NELL2: variants seen among roughly 807,000 people sequenced by gnomAD.
NELL2 encodes protein kinase C-binding protein NELL2.
NELL2 carries 41 observed loss-of-function variants against 109.6 expected under a neutral mutation model. The ratio of observed to expected loss-of-function variants is 0.37; its 90% CI spans 0.29 to 0.49. The LOEUF is 0.49. Ranked by LOEUF, NELL2 falls within the 20% of genes least tolerant of loss-of-function variation. The pLI is 0.98. For missense variants in NELL2, 900 were observed against 1,008.3 expected (o/e 0.89, Z 1.45); for synonymous variants, 355 against 344.7 (o/e 1.03, Z -0.33).
At chr12:44,840,934 G>A (rs565971218) in intron 2 of NELL2, among the ~76,000 whole-genome samples, 30 of 152,196 alleles carry the variant, frequency 2.0e-4, no homozygotes, top group African/African-American at 7.0e-4. Context: ...AATTTGAGGC[G>A]ATAACAAGTA....
At position 44,622,064 on chromosome 12, in the gene NELL2, C is replaced by T. The variant is rs548159904; in HGVS notation, c.1445-11094G>A. Among the ~76,000 whole-genome samples, 8 of 152,218 alleles carry T rather than the reference C, an allele frequency of 5.3e-5. No individual in the cohort carries two copies. In the South Asian group the frequency reaches 6.2e-4, roughly 12 times the overall value. ...TTGAACCCTCACATCTTGCCGTTAA[C>T]GCCTGCCACGTTTTAGGCACTTGAT... On this transcript the variant is annotated intron_variant, in intron 13 of 19. Transcript: ENST00000429094.
intron 9 of NELL2, among the ~76,000 whole-genome samples, chr12:44,724,207 T>C (rs1459195519): frequency 6.6e-6 from 1 of 150,396 alleles, no homozygotes; most frequent in African/African-American, 2.5e-5. Context: ...CATATGGATG[T>C]TAAATTAAGA....
At chr12:44,674,558 T>C (rs1948245719) in intron 12 of NELL2, among the ~76,000 whole-genome samples, 1 of 152,096 alleles carries the variant, frequency 6.6e-6, no homozygotes, top group South Asian at 2.1e-4. Context: ...TGCAGGAAAA[T>C]AATGGAAATA....
In NELL2 at chr12:44,523,331, C is replaced by A; in HGVS notation, c.1958G>T (p.Trp653Leu). The part of the protein sequence containing the change: ...DGKVKHNGQI[W>L]VLENDRCSVC... ...AGAGCACCTGTCATTTTCCAACACCCAAATCTGACCATTGTGCTTAACTTT... is the reference window on the plus strand; with the variant it reads ...AGAGCACCTGTCATTTTCCAACACCAAAATCTGACCATTGTGCTTAACTTT... The change falls in exon 17 of 20, where the codon TGG (tryptophan) becomes TTG (leucine). Residue 653 changes from tryptophan (W) to leucine (L), a missense_variant. Trp to Leu is a moderately conservative substitution (Grantham distance 61, BLOSUM62 -2). Transcript: ENST00000429094. 1 of 1,614,136 alleles carries A rather than the reference C, an allele frequency of 6.2e-7. No homozygotes were observed. Among genetic ancestry groups the A allele is most frequent in the Non-Finnish European group, 8.5e-7 (1 of 1,179,996 alleles).
chr12:44,876,603 T>A, upstream of NELL2: 1 of 1,549,022 alleles, frequency 6.5e-7, no homozygotes, highest in Non-Finnish European at 8.7e-7. Context: ...GTCTTTGCTC[T>A]CACCCCTCGA....
At position 44,864,746 on chromosome 12, in the gene NELL2, T is replaced by A. The variant is rs140507559; in HGVS notation, c.184+10479A>T. On this transcript the variant is annotated intron_variant, in intron 2 of 19. Coordinates refer to ENST00000429094, the MANE Select transcript of NELL2 (RefSeq NM_001145108.2). The stretch of plus-strand genomic sequence containing the variant: ...TAACAGACATATAAAGAACATTTCA[T>A]CCAACAGCAGCAGCATACTCATTCT... Among the ~76,000 whole-genome samples, 19 of 152,324 alleles carry A rather than the reference T, an allele frequency of 1.2e-4. No individual in the cohort carries two copies. The East Asian group carries it at 3.7e-3, about 29-fold the overall frequency.
At chr12:44,643,132 A>T (rs1485530717) in intron 13 of NELL2, among the ~76,000 whole-genome samples, 1 of 152,210 alleles carries the variant, frequency 6.6e-6, no homozygotes, top group Admixed American at 6.5e-5. Context: ...AAGTATTAAA[A>T]TGTGCACAAT....
intron 2 of NELL2, among the ~76,000 whole-genome samples, chr12:44,824,146 C>T (rs993251976): frequency 1.3e-5 from 2 of 152,152 alleles, no homozygotes; most frequent in African/African-American, 4.8e-5. Context: ...AGACAATGTG[C>T]TAGGTGGACA....
chr12:44,511,850 T>C (rs74911043), intron 19 of NELL2, among the ~76,000 whole-genome samples: 2,879 of 152,278 alleles, frequency 0.019, 95 homozygotes, highest in African/African-American at 0.065. Flanking sequence ...GATTTACATG[T>C]AGTATTAATA....
At chr12:44,531,840 C>T (rs1190570154) in intron 16 of NELL2, among the ~76,000 whole-genome samples, 1 of 152,128 alleles carries the variant, frequency 6.6e-6, no homozygotes, top group African/African-American at 2.4e-5. Flanking sequence ...CATTCCTATG[C>T]CAAGACTTCT....
chr12:44,892,304 A>T (rs1477819342), intron 1 of NELL2, among the ~76,000 whole-genome samples: 1 of 152,182 alleles, frequency 6.6e-6, no homozygotes, highest in East Asian at 1.9e-4. Flanking sequence ...GTTACTGTCC[A>T]ACTGGGCAGG....
upstream of NELL2, among the ~76,000 whole-genome samples, chr12:44,880,162 CAG>C (rs1439461292): frequency 2.0e-5 from 3 of 148,072 alleles, no homozygotes; most frequent in African/African-American, 5.0e-5. Context: ...GAGAGAAAAA[CAG>C]AGAATTAGTA....
chr12:44,917,886 G>A (rs74418008), upstream of NELL2, among the ~76,000 whole-genome samples: 43 of 152,252 alleles, frequency 2.8e-4, no homozygotes, highest in East Asian at 6.2e-3. Context: ...TCCAGACAAC[G>A]GCTTCAAAAA....
At chr12:44,741,501 G>A (rs1325834313) in intron 9 of NELL2, among the ~76,000 whole-genome samples, 5 of 152,200 alleles carry the variant, frequency 3.3e-5, no homozygotes, top group African/African-American at 7.2e-5. Flanking sequence ...AAAGCAGGGC[G>A]AGGCATCGCC....
At position 44,610,856 on chromosome 12, in the gene NELL2, G is replaced by T. The variant is rs1459121268; in HGVS notation, c.1559C>A (p.Thr520Lys). Residue 520 changes from threonine to lysine, a missense_variant, in exon 14 of 20, where the codon ACA becomes AAA. By Grantham distance (78) the Thr-to-Lys change is moderately conservative. Transcript: ENST00000429094. Reference sequence around the variant, plus strand: ...GCATTTAAACCTTTTACCTTTGCATGTCGTTCCATTCCCTGTATAGCCCGG... The same window carrying T: ...GCATTTAAACCTTTTACCTTTGCATTTCGTTCCATTCCCTGTATAGCCCGG... The part of the protein sequence containing the change: ...CKPGYTGNGT[T>K]CKAFCKDGCR... The T allele has an allele frequency of 1.2e-6, 2 of 1,612,950 alleles. No individual in the cohort carries two copies. Among genetic ancestry groups the T allele is most frequent in the Admixed American group, 3.3e-5 (2 of 59,924 alleles).
chr12:44,622,751 G>A (rs1946105031), intron 13 of NELL2, among the ~76,000 whole-genome samples: 1 of 152,084 alleles, frequency 6.6e-6, no homozygotes, highest in Non-Finnish European at 1.5e-5. Flanking sequence ...TTAAAGTGAT[G>A]AGACTATGGG....
chr12:44,830,992 GGGACT>G (rs1478221882), intron 2 of NELL2, among the ~76,000 whole-genome samples: 3 of 151,814 alleles, frequency 2.0e-5, no homozygotes, highest in Non-Finnish European at 4.4e-5. Context: ...AATCTGTGGG[GGGACT>G]GGACTTGCCC....
chr12:44,751,301 T>C (rs1940640183), intron 9 of NELL2, among the ~76,000 whole-genome samples: 1 of 152,318 alleles, frequency 6.6e-6, no homozygotes, highest in East Asian at 1.9e-4. Flanking sequence ...GGTTTTTCCG[T>C]TAAATGATAT....
intron 2 of NELL2, among the ~76,000 whole-genome samples, chr12:44,850,231 T>TA (rs1008129925): frequency 1.3e-5 from 2 of 152,132 alleles, no homozygotes; most frequent in Non-Finnish European, 2.9e-5. Flanking sequence ...TTAGTAGTCC[T>TA]AAAAAATAGT....
Sources: allele counts gnomAD v4.1 joint callset (sites outside exome capture counted in the v4.1 genomes callset), GRCh38; gene constraint gnomAD v4.1.1; transcripts MANE v1.5; gene names NCBI Gene and HGNC (gene_info 2026-07-23, HGNC 2026-07-21).